Variants in KAT2B observed in about 807,000 individuals in gnomAD.
KAT2B encodes the protein lysine acetyltransferase 2B, also known as histone acetyltransferase KAT2B.
A neutral mutation model predicts 105.9 loss-of-function variants in KAT2B; 36 were observed. The observed-to-expected ratio is 0.34, with a 90% CI of 0.26 to 0.45. The LOEUF is 0.45. KAT2B is among the 20% of genes least tolerant of loss of function. The probability of loss-of-function intolerance (pLI) is 1.00; values close to 1 mark genes in which losing one functional copy is unlikely to be tolerated. For missense variants in KAT2B, 820 were observed against 1,021.6 expected (o/e 0.80, Z 2.69); for synonymous variants, 397 against 377.9 (o/e 1.05, Z -0.59).
At chr3:20,131,108 T>C (rs1254185721) in intron 11 of KAT2B, among the ~76,000 whole-genome samples, 1 of 144,512 alleles carries the variant, frequency 6.9e-6, no homozygotes, top group African/African-American at 2.5e-5. Flanking sequence ...CTCCGCCTCC[T>C]GGGTTCTGGT....
intron 2 of KAT2B, among the ~76,000 whole-genome samples, chr3:20,076,559 G>C (rs557052760): frequency 8.3e-4 from 126 of 152,236 alleles, no homozygotes; most frequent in African/African-American, 2.9e-3. Context: ...TTAATGGAAA[G>C]TTTCAAACAC....
intron 1 of KAT2B, among the ~76,000 whole-genome samples, chr3:20,041,679 G>C (rs1296905191): frequency 6.6e-6 from 1 of 152,164 alleles, no homozygotes; most frequent in African/African-American, 2.4e-5. Context: ...GACAGCTGAG[G>C]GGGGCGGGGA....
chr3:20,099,759 A>G (rs1008371444), intron 3 of KAT2B, 103 bp from the exon 4 acceptor site: 18 of 563,188 alleles, frequency 3.2e-5, no homozygotes, highest in African/African-American at 7.7e-5. Flanking sequence ...GTGTGTGTGT[A>G]AGAGAGAGAG....
In KAT2B at chr3:20,090,480, A is replaced by G. The variant is rs1226167867; in HGVS notation, c.431-4783A>G. ...GATTACCATATGATTTTTCTCCTTC[A>G]TTCTGTTAATTTGCTGTATCAATTT... On this transcript the variant is annotated intron_variant, in intron 2 of 17. Transcript: ENST00000263754. Among the ~76,000 whole-genome samples, 4 of 152,110 alleles carry G rather than the reference A, an allele frequency of 2.6e-5. No homozygotes were observed. In the East Asian group the frequency reaches 5.8e-4, roughly 22 times the overall value.
intron 13 of KAT2B, 137 bp from the exon 14 acceptor site, chr3:20,146,179 A>G (rs1699780306): frequency 4.7e-6 from 3 of 632,356 alleles, no homozygotes; most frequent in Admixed American, 5.1e-5. Context: ...TACTTGTTAA[A>G]TAGCATTCAC....
At chr3:20,069,109 GA>G (rs1698274280) in intron 1 of KAT2B, among the ~76,000 whole-genome samples, 1 of 152,126 alleles carries the variant, frequency 6.6e-6, no homozygotes, top group African/African-American at 2.4e-5. Context: ...ATTAACAAGA[GA>G]AAAACAAAAA....
intron 7 of KAT2B, 130 bp from the exon 8 acceptor site, chr3:20,119,468 G>C (rs1283077091): frequency 2.4e-6 from 2 of 845,318 alleles, no homozygotes; most frequent in Non-Finnish European, 3.8e-6. Flanking sequence ...ATGCCTTGTG[G>C]CTTATGTTTT....
At chr3:20,119,556 G>A in intron 7 of KAT2B, 42 bp from the exon 8 acceptor site, 1 of 1,611,468 alleles carries the variant, frequency 6.2e-7, no homozygotes, top group Non-Finnish European at 8.5e-7. Flanking sequence ...CCTAAGAAAG[G>A]AGTCAGTCAT....
intron 1 of KAT2B, among the ~76,000 whole-genome samples, chr3:20,046,271 A>C (rs778131889): frequency 6.6e-6 from 1 of 152,162 alleles, no homozygotes; most frequent in Non-Finnish European, 1.5e-5. Context: ...GTACAGGACT[A>C]TAAAATTAGT....
chr3:20,052,375 C>T (rs564413464), intron 1 of KAT2B, among the ~76,000 whole-genome samples: 45 of 152,212 alleles, frequency 3.0e-4, no homozygotes, highest in African/African-American at 1.1e-3. Flanking sequence ...AGGCCTCAGC[C>T]CATAGGAGAA....
chr3:20,141,532 T>C (rs1699694499), intron 13 of KAT2B, among the ~76,000 whole-genome samples: 1 of 152,296 alleles, frequency 6.6e-6, no homozygotes, highest in African/African-American at 2.4e-5. Context: ...CACTTGATAC[T>C]TCTGTTATTC....
In KAT2B at chr3:20,099,788, A is replaced by G. The variant is rs531519995; in HGVS notation, c.577-74A>G. 11 of 732,828 alleles carry G rather than the reference A, an allele frequency of 1.5e-5. No homozygotes were observed. The East Asian group carries it at 2.3e-4, about 15-fold the overall frequency. 45.4% of individuals were successfully genotyped at this position (732,828 alleles called of 1,614,324 possible). ...GAGAGAGAGAGAGACAGACAGAAAC[A>G]GAAGAGAGAGGAGAGAGAGATAGAC... On this transcript the variant is annotated intron_variant, in intron 3 of 17. Coordinates refer to ENST00000263754, the MANE Select transcript of KAT2B (RefSeq NM_003884.5).
intron 5 of KAT2B, among the ~76,000 whole-genome samples, chr3:20,108,501 GACAGTA>G (rs1265931970): frequency 6.6e-6 from 1 of 152,162 alleles, no homozygotes; most frequent in East Asian, 1.9e-4. Flanking sequence ...CACATATAAT[GACAGTA>G]GTCCTTTAAG....
chr3:20,100,476 T>C (rs1698891467), intron 4 of KAT2B, among the ~76,000 whole-genome samples: 1 of 152,210 alleles, frequency 6.6e-6, no homozygotes, highest in Non-Finnish European at 1.5e-5. Context: ...GTAAAGAGTT[T>C]TTCTGTTAGG....
intron 13 of KAT2B, 90 bp from the exon 14 acceptor site, chr3:20,146,221 CTGTTT>C (rs1228015265): frequency 2.8e-6 from 2 of 721,386 alleles, no homozygotes; most frequent in Admixed American, 2.2e-5. Context: ...ATAAAAAAGA[CTGTTT>C]TGTTAGGAAA....
Position 20,095,363 on chromosome 3 carries a change from G to A in KAT2B, c.531G>A (p.Lys177=), listed in dbSNP as rs745586353. ...AATATCTCTTTACCTGTGTCCACAA[G>A]GAAGAAGATGCAGATACCAAACAAG... is the stretch of plus-strand genomic sequence containing the variant. ...DVEYLFTCVH[K]EEDADTKQVY... Residue 177 remains lysine (K), a synonymous_variant, in exon 3 of 18, where the codon AAG becomes AAA. Coordinates refer to ENST00000263754, the MANE Select transcript of KAT2B (RefSeq NM_003884.5). The A allele has an allele frequency of 9.4e-6, 15 of 1,600,386 alleles. No homozygotes were observed. Among genetic ancestry groups the A allele is most frequent in the South Asian group, 8.8e-5 (8 of 90,698 alleles).
At chr3:20,095,778 C>T (rs13083709) in intron 3 of KAT2B, among the ~76,000 whole-genome samples, 28,417 of 152,152 alleles carry the variant, frequency 0.19, 2,817 homozygotes, top group Non-Finnish European at 0.22. Context: ...TATATTTCAG[C>T]AGAAGAGACA....
chr3:20,047,780 A>AT (rs981151599), intron 1 of KAT2B, among the ~76,000 whole-genome samples: 8 of 151,096 alleles, frequency 5.3e-5, no homozygotes, highest in East Asian at 1.9e-4. Flanking sequence ...GCCCTGTTAA[A>AT]TTTTTTTGTA....
intron 1 of KAT2B, among the ~76,000 whole-genome samples, chr3:20,057,366 C>T (rs1044516032): frequency 8.5e-5 from 13 of 152,158 alleles, no homozygotes; most frequent in African/African-American, 1.7e-4. Context: ...TGAGAGTCAT[C>T]ATCTCAGATA....
Sources: allele counts gnomAD v4.1 joint callset (sites outside exome capture counted in the v4.1 genomes callset), GRCh38; gene constraint gnomAD v4.1.1; transcripts MANE v1.5; gene names NCBI Gene and HGNC (gene_info 2026-07-23, HGNC 2026-07-21).